The following STK3 variants were observed in gnomAD, a reference collection of about 807,000 sequenced individuals.
STK3 encodes the protein serine/threonine-protein kinase 3.
In STK3, 41 loss-of-function variants were observed where a neutral mutation model predicts 58.0. That is an observed-to-expected ratio of 0.71 (90% confidence interval 0.55 to 0.92). The LOEUF is 0.92. STK3 is among the 40% of genes least tolerant of loss of function. STK3 has a pLI of 0.00. For missense variants in STK3, 479 were observed against 602.7 expected (o/e 0.79, Z 2.15); for synonymous variants, 170 against 191.0 (o/e 0.89, Z 0.91).
intron 10 of STK3, among the ~76,000 whole-genome samples, chr8:98,491,492 G>A (rs1343193688): frequency 6.6e-6 from 1 of 151,760 alleles, no homozygotes; most frequent in African/African-American, 2.4e-5. Flanking sequence ...CCAAGTTAGA[G>A]TGCAGTGGCA....
At chr8:98,629,096 A>G (rs770125551) in intron 6 of STK3, among the ~76,000 whole-genome samples, 1 of 152,186 alleles carries the variant, frequency 6.6e-6, no homozygotes, top group East Asian at 1.9e-4. Context: ...TTTTCCCCCA[A>G]TAAGAGATTT....
chr8:98,426,290 C>T (rs1001630997), intron 3 of STK3, among the ~76,000 whole-genome samples: 6 of 152,208 alleles, frequency 3.9e-5, no homozygotes, highest in Admixed American at 2.0e-4. Context: ...CCCAGGTCCC[C>T]CCTGTGCCGA....
chr8:98,850,390 G>A (rs2131828956), intron 3 of STK3, among the ~76,000 whole-genome samples: 1 of 152,264 alleles, frequency 6.6e-6, no homozygotes, highest in African/African-American at 2.4e-5. Context: ...GCTGGGACAA[G>A]GACCCTGTCT....
At chr8:98,374,575 T>C (rs1817653171) in intron 2 of STK3, among the ~76,000 whole-genome samples, 1 of 152,202 alleles carries the variant, frequency 6.6e-6, no homozygotes, top group Non-Finnish European at 1.5e-5. Flanking sequence ...AATAGATCCT[T>C]CCTGCCTTTG....
chr8:98,355,592 C>T, the STK3 span, among the ~76,000 whole-genome samples: 1 of 152,138 alleles, frequency 6.6e-6, no homozygotes, highest in African/African-American at 2.4e-5. Context: ...GGGCAGACAC[C>T]CCAAGAGGGC....
intron 3 of STK3, among the ~76,000 whole-genome samples, chr8:98,869,622 C>G (rs749168093): frequency 6.6e-6 from 1 of 151,914 alleles, no homozygotes; most frequent in Non-Finnish European, 1.5e-5. Context: ...TGCCTGGAGC[C>G]CCCGAAAGCT....
At chr8:98,904,039 A>G (rs1235892965) in intron 1 of STK3, among the ~76,000 whole-genome samples, 3 of 152,188 alleles carry the variant, frequency 2.0e-5, no homozygotes, top group Non-Finnish European at 4.4e-5. Context: ...TCAAAAAATT[A>G]TTTAAAAATG....
chr8:98,930,138 A>T (rs1839954285), intron 1 of STK3, among the ~76,000 whole-genome samples: 1 of 152,194 alleles, frequency 6.6e-6, no homozygotes, highest in African/African-American at 2.4e-5. Context: ...AATCCTAATT[A>T]TGTCCCTGTA....
At chr8:98,708,295 T>C (rs1243071149) in intron 4 of STK3, among the ~76,000 whole-genome samples, 1 of 152,176 alleles carries the variant, frequency 6.6e-6, no homozygotes, top group Non-Finnish European at 1.5e-5. Flanking sequence ...TAAATTCAGA[T>C]ACTTCCCCTG....
chr8:98,516,888 T>C (rs956546300), intron 10 of STK3, among the ~76,000 whole-genome samples: 2 of 152,070 alleles, frequency 1.3e-5, no homozygotes, highest in Non-Finnish European at 2.9e-5. Flanking sequence ...TATTAGGTAG[T>C]TTCATTTGCA....
chr8:98,369,221 A>G (rs569389347), downstream of STK3, among the ~76,000 whole-genome samples: 1 of 152,330 alleles, frequency 6.6e-6, no homozygotes, highest in South Asian at 2.1e-4. Flanking sequence ...CCCTAATTGC[A>G]TAATTGCAGC....
At chr8:98,861,510 G>C (rs749943342) in intron 3 of STK3, among the ~76,000 whole-genome samples, 8 of 151,936 alleles carry the variant, frequency 5.3e-5, no homozygotes, top group Non-Finnish European at 1.2e-4. Flanking sequence ...ACCATGCCCG[G>C]CTAATTTTTT....
intron 6 of STK3, among the ~76,000 whole-genome samples, chr8:98,697,854 A>T (rs767839597): frequency 1.1e-4 from 17 of 152,104 alleles, no homozygotes; most frequent in Non-Finnish European, 2.2e-4. Flanking sequence ...TTTGGGGTGG[A>T]GAGTTCTGTA....
At chr8:98,698,670 T>C (rs1321066794) in intron 6 of STK3, among the ~76,000 whole-genome samples, 2 of 152,226 alleles carry the variant, frequency 1.3e-5, no homozygotes, top group East Asian at 3.8e-4. Flanking sequence ...ATTCTTTTCT[T>C]TAAGAATGTT....
At chr8:98,744,521 G>A (rs1417735259) in intron 4 of STK3, among the ~76,000 whole-genome samples, 3 of 139,682 alleles carry the variant, frequency 2.1e-5, no homozygotes, top group African/African-American at 8.1e-5. Context: ...TCATAGGTGG[G>A]AACTGAACAA....
intron 1 of STK3, among the ~76,000 whole-genome samples, chr8:98,918,238 T>C (rs1484565765): frequency 6.6e-6 from 1 of 152,198 alleles, no homozygotes; most frequent in Non-Finnish European, 1.5e-5. Flanking sequence ...ATAGCTATAA[T>C]AATAATGATG....
chr8:98,390,088 T>C (rs1324438390), upstream of STK3, among the ~76,000 whole-genome samples: 1 of 152,216 alleles, frequency 6.6e-6, no homozygotes, highest in Non-Finnish European at 1.5e-5. Flanking sequence ...TTCAATAAAC[T>C]GTTTCCAGTC....
intron 10 of STK3, among the ~76,000 whole-genome samples, chr8:98,481,667 C>T (rs1305709014): frequency 6.7e-6 from 1 of 149,046 alleles, no homozygotes; most frequent in African/African-American, 2.5e-5. Context: ...CCCAGCTTCA[C>T]TATTATACAA....
At position 98,428,396 on chromosome 8, in the gene STK3, T is replaced by A; in HGVS notation, n.483+5731A>T. ...AGCAGGAGAAGTGGGACGAGCAGAG[T>A]GACCAGGAGAGCACCACGTCTTCCT... is the stretch of plus-strand genomic sequence containing the variant. On this transcript the variant is annotated intron_variant and non_coding_transcript_variant, in intron 3 of 3. Coordinates refer to the STK3 transcript ENST00000517832. The surrounding 1 kb of genome is among the most constrained non-coding windows in gnomAD (Gnocchi z 6.7). The A allele has an allele frequency of 6.2e-7, 1 of 1,613,944 alleles. No individual in the cohort carries two copies.
Sources: gnomAD v4.1 joint callset for allele counts (sites outside exome capture counted in the v4.1 genomes callset) on GRCh38, gnomAD v4.1.1 for gene constraint, Gnocchi (gnomAD v3.1) non-coding constraint, MANE v1.5 for transcripts, NCBI Gene and HGNC (gene_info 2026-07-23, HGNC 2026-07-21) for gene names.